PDE4B: variants seen among roughly 807,000 people sequenced by gnomAD.
The protein encoded by PDE4B is phosphodiesterase 4B.
In PDE4B, 20 loss-of-function variants were observed where a neutral mutation model predicts 82.2. The ratio of observed to expected loss-of-function variants is 0.24; its 90% CI spans 0.17 to 0.35. The LOEUF is 0.35. Ranked by LOEUF, PDE4B falls within the 10% of genes least tolerant of loss-of-function variation. The pLI is 1.00. For missense variants in PDE4B, 655 were observed against 907.2 expected (o/e 0.72, Z 3.57); for synonymous variants, 320 against 318.9 (o/e 1.00, Z -0.04).
chr1:66,017,614 G>A (rs1307625801), intron 3 of PDE4B, among the ~76,000 whole-genome samples: 1 of 152,126 alleles, frequency 6.6e-6, no homozygotes, highest in African/African-American at 2.4e-5. Flanking sequence ...TTTCCCACAT[G>A]TCTACAGATT....
intron 3 of PDE4B, among the ~76,000 whole-genome samples, chr1:66,239,222 A>C (rs1652691935): frequency 1.3e-5 from 2 of 152,356 alleles, no homozygotes; most frequent in South Asian, 4.1e-4. Context: ...ACTTTAAAAA[A>C]TGGAGAATGT....
chr1:66,253,143 G>A (rs1047678675), intron 4 of PDE4B, among the ~76,000 whole-genome samples: 1 of 152,134 alleles, frequency 6.6e-6, no homozygotes, highest in Non-Finnish European at 1.5e-5. Context: ...AGGTAAAAAT[G>A]TTGAGACATG....
intron 3 of PDE4B, among the ~76,000 whole-genome samples, chr1:66,116,468 A>G (rs999137341): frequency 2.8e-4 from 42 of 152,156 alleles, no homozygotes; most frequent in Admixed American, 2.7e-3. Flanking sequence ...CTTCTGTTTC[A>G]TCATACAGCA....
At chr1:65,864,881 A>G (rs1367786354) in intron 1 of PDE4B, among the ~76,000 whole-genome samples, 1 of 152,136 alleles carries the variant, frequency 6.6e-6, no homozygotes, top group Non-Finnish European at 1.5e-5. Flanking sequence ...CCCTTAGCAG[A>G]GCTCAAACAC....
At chr1:65,955,781 T>G (rs1264465337) in intron 3 of PDE4B, among the ~76,000 whole-genome samples, 1 of 152,170 alleles carries the variant, frequency 6.6e-6, no homozygotes, top group Non-Finnish European at 1.5e-5. Context: ...CAGTCATTTA[T>G]AGGGTTACGT....
intron 3 of PDE4B, among the ~76,000 whole-genome samples, chr1:66,036,964 C>G (rs558475324): frequency 6.6e-6 from 1 of 151,876 alleles, no homozygotes; most frequent in Non-Finnish European, 1.5e-5. Context: ...GAAACCCCGT[C>G]TCTACTAAAA....
chr1:65,913,597 C>T (rs889211512), intron 2 of PDE4B, among the ~76,000 whole-genome samples: 9 of 152,150 alleles, frequency 5.9e-5, no homozygotes, highest in Admixed American at 1.3e-4. Flanking sequence ...CACAGAACCA[C>T]CAATCTCTAG....
chr1:65,898,651 A>T (rs1320016090), intron 1 of PDE4B, among the ~76,000 whole-genome samples: 1 of 152,162 alleles, frequency 6.6e-6, no homozygotes, highest in African/African-American at 2.4e-5. Flanking sequence ...GAGAACCCAG[A>T]AATAAACCAA....
At chr1:66,341,922 C>T (rs11802020) in intron 8 of PDE4B, among the ~76,000 whole-genome samples, 1 of 152,178 alleles carries the variant, frequency 6.6e-6, no homozygotes, top group Non-Finnish European at 1.5e-5. Context: ...GTCATATTAC[C>T]AAGATCCTAG....
chr1:65,795,944 G>T (rs1050095932), intron 1 of PDE4B, among the ~76,000 whole-genome samples: 1 of 152,188 alleles, frequency 6.6e-6, no homozygotes, highest in Non-Finnish European at 1.5e-5. Context: ...TTGAAATGTG[G>T]TGTTTCAACC....
intron 3 of PDE4B, among the ~76,000 whole-genome samples, chr1:66,178,529 A>C (rs1646983591): frequency 6.6e-6 from 1 of 152,158 alleles, no homozygotes; most frequent in African/African-American, 2.4e-5. Flanking sequence ...TAAATATTTA[A>C]ATTTTAGTTA....
At chr1:66,098,517 T>C (rs1645159445) in intron 3 of PDE4B, among the ~76,000 whole-genome samples, 1 of 152,176 alleles carries the variant, frequency 6.6e-6, no homozygotes, top group Admixed American at 6.6e-5. Flanking sequence ...AAATAAAATA[T>C]CATCTCTGAA....
chr1:66,226,689 G>A lies in PDE4B; in HGVS notation c.282-20771G>A, dbSNP rs1651481185. On this transcript the variant is annotated intron_variant, in intron 3 of 16. Transcript: ENST00000341517. ...AAATTGTATAAAATGAGATCGGAAA[G>A]CAGAGAGCAGATTGTGGAAATTCTT... 2.0e-5 allele frequency among the ~76,000 whole-genome samples: 3 copies of A among 152,238 alleles called. No individual in the cohort carries two copies. In the South Asian group the frequency reaches 6.2e-4, roughly 31 times the overall value.
At chr1:65,874,081 C>T (rs1277934656) in intron 1 of PDE4B, among the ~76,000 whole-genome samples, 1 of 151,852 alleles carries the variant, frequency 6.6e-6, no homozygotes, top group African/African-American at 2.4e-5. Flanking sequence ...TTTGTATCCT[C>T]TTTTATTTCC....
chr1:66,363,364 T>C lies in PDE4B; in HGVS notation c.1120-43T>C, dbSNP rs753343644. ...TTCTGATTTAACTTTCCTCGACTTT[T>C]GGACATCTACTTATTTATGTTCTAA... On this transcript the variant is annotated intron_variant, in intron 11 of 16. Coordinates refer to ENST00000341517, the MANE Select transcript of PDE4B (RefSeq NM_002600.4). 5 of 1,571,144 alleles carry C rather than the reference T, an allele frequency of 3.2e-6. No homozygotes were observed. The East Asian group carries it at 6.7e-5, about 21-fold the overall frequency.
intron 3 of PDE4B, among the ~76,000 whole-genome samples, chr1:66,118,961 T>G (rs1570279370): frequency 6.6e-6 from 1 of 152,208 alleles, no homozygotes; most frequent in Admixed American, 6.5e-5. Context: ...GAACAGCTAA[T>G]GTCATCTCTT....
chr1:66,249,702 C>A (rs1450264181), intron 4 of PDE4B, among the ~76,000 whole-genome samples: 3 of 113,516 alleles, frequency 2.6e-5, no homozygotes, highest in Admixed American at 1.1e-4. Context: ...AACTTTAGAA[C>A]CTAAATTTTC....
At chr1:65,814,800 G>A (rs575160280) in intron 1 of PDE4B, among the ~76,000 whole-genome samples, 1 of 151,770 alleles carries the variant, frequency 6.6e-6, no homozygotes, top group Non-Finnish European at 1.5e-5. Flanking sequence ...CCTGTTGATT[G>A]TCATTTAGGT....
chr1:65,993,132 GCT>G, intron 3 of PDE4B: 1 of 1,612,150 alleles, frequency 6.2e-7, no homozygotes, highest in Non-Finnish European at 8.5e-7. Context: ...CTTCACTGTG[GCT>G]CATACATGGT....
Sources: allele counts gnomAD v4.1 joint callset (sites outside exome capture counted in the v4.1 genomes callset), GRCh38; gene constraint gnomAD v4.1.1; transcripts MANE v1.5; gene names NCBI Gene and HGNC (gene_info 2026-07-23, HGNC 2026-07-21).